The following C22orf15 variants were observed in gnomAD, a reference collection of about 807,000 sequenced individuals.
The protein encoded by C22orf15 is chromosome 22 open reading frame 15, also known as uncharacterized protein C22orf15.
A neutral mutation model predicts 20.3 loss-of-function variants in C22orf15; 21 were observed. That is an observed-to-expected ratio of 1.04 (90% CI 0.74 to 1.49). The LOEUF (loss-of-function observed/expected upper bound fraction) is 1.49. Among genes scored for constraint, C22orf15 ranks in the 40% most tolerant of loss-of-function variants. C22orf15 has a pLI of 0.00. For missense variants in C22orf15, 170 were observed against 191.1 expected (o/e 0.89, Z 0.65); for synonymous variants, 78 against 75.4 (o/e 1.03, Z -0.18).
At position 23,764,527 on chromosome 22, in the gene C22orf15, CT is replaced by C. The variant is rs763845261; in HGVS notation, c.251-111del. On this transcript the variant is annotated intron_variant, in intron 3 of 5. Coordinates refer to ENST00000402217, the MANE Select transcript of C22orf15 (RefSeq NM_182520.3). ...CTGGGGACCTAGCCCCAATCCATCCCTACCCAATGCTCTGCTCCCAGCCTGG... is the reference window on the plus strand; with the variant it reads ...CTGGGGACCTAGCCCCAATCCATCCCACCCAATGCTCTGCTCCCAGCCTGG... 4 of 1,555,970 alleles carry C rather than the reference CT, an allele frequency of 2.6e-6. No homozygotes were observed. In the South Asian group the frequency reaches 4.5e-5, roughly 17 times the overall value.
chr22:23,765,529 C>G, intron 5 of C22orf15, 192 bp from the exon 6 acceptor site: 2 of 1,548,510 alleles, frequency 1.3e-6, no homozygotes, highest in South Asian at 1.2e-5. Flanking sequence ...GAGGTAGAGA[C>G]AAGAAGGGTA....
At chr22:23,764,437 G>C (rs779941168) in intron 3 of C22orf15, 40 bp downstream of exon 3, 3 of 1,600,278 alleles carry the variant, frequency 1.9e-6, no homozygotes, top group Non-Finnish European at 2.6e-6. Context: ...AGCTATGGTA[G>C]AATGTAAGAG....
chr22:23,765,010 A>C (rs1456302401), intron 5 of C22orf15, 108 bp downstream of exon 5: 2 of 1,510,982 alleles, frequency 1.3e-6, no homozygotes, highest in African/African-American at 2.8e-5. Flanking sequence ...CCTGCAGGAC[A>C]GACACATATG....
chr22:23,764,279 T>G lies in C22orf15; in HGVS notation c.132T>G (p.Ala44=). The G allele has an allele frequency of 6.4e-7, 1 of 1,551,644 alleles. No individual in the cohort carries two copies. The highest frequency in any genetic ancestry group is 8.7e-7 in the Non-Finnish European group (1 of 1,146,940). ...TCCCAGCGACCATTGCTCTCCTGGC[T>G]GAGGATGGCAACCTAGTGAGCCTGG... ...LPPDATIALL[A]EDGNLVSLEE... Residue 44 remains alanine, a synonymous_variant, in exon 3 of 6, where the codon GCT becomes GCG. Coordinates refer to ENST00000402217, the MANE Select transcript of C22orf15 (RefSeq NM_182520.3).
chr22:23,763,408 G>A (rs1363821546), intron 1 of C22orf15, 77 bp downstream of exon 1: 19 of 1,476,232 alleles, frequency 1.3e-5, no homozygotes, highest in Middle Eastern at 2.2e-4. Context: ...CCGCCCTTGC[G>A]GTGGGTGGGG....
Position 23,764,265 on chromosome 22 carries a change from A to G in C22orf15, c.118A>G (p.Ile40Val). 1 of 1,551,624 alleles carries G rather than the reference A, an allele frequency of 6.4e-7. No individual in the cohort carries two copies. Among genetic ancestry groups the G allele is most frequent in the Non-Finnish European group, 8.7e-7 (1 of 1,146,946 alleles). Reference sequence around the variant, plus strand: ...CTCTCTCCATGTCCTCCCAGCGACCATTGCTCTCCTGGCTGAGGATGGCAA... The same window carrying G: ...CTCTCTCCATGTCCTCCCAGCGACCGTTGCTCTCCTGGCTGAGGATGGCAA... ...QKAGLPPDAT[I>V]ALLAEDGNLV... Residue 40 changes from isoleucine to valine, a missense_variant, in exon 3 of 6, where the codon ATT becomes GTT. Ile to Val is a conservative substitution (Grantham distance 29). Coordinates refer to ENST00000402217, the MANE Select transcript of C22orf15 (RefSeq NM_182520.3).
At chr22:23,765,052 G>T (rs916474980) in intron 5 of C22orf15, 150 bp downstream of exon 5, 4 of 1,479,258 alleles carry the variant, frequency 2.7e-6, no homozygotes, top group Non-Finnish European at 3.6e-6. Context: ...CCAACTCCAC[G>T]CACATATACC....
chr22:23,764,704 G>C lies in C22orf15; in HGVS notation c.316G>C (p.Glu106Gln). The change falls in exon 4 of 6, where the codon GAG becomes CAG. Residue 106 changes from glutamate to glutamine, a missense_variant. By Grantham distance (29) the Glu-to-Gln change is conservative. Coordinates refer to ENST00000402217, the MANE Select transcript of C22orf15 (RefSeq NM_182520.3). The part of the protein sequence containing the change: ...LLENLDDHYP[E>Q]LAEELRRLSG... Reference sequence around the variant, plus strand: ...GGAGAACCTGGATGACCATTACCCAGAGCTGGCAGGTGAGTGTCAGGGTAC... The same window carrying C: ...GGAGAACCTGGATGACCATTACCCACAGCTGGCAGGTGAGTGTCAGGGTAC... 1 of 1,614,162 alleles carries C rather than the reference G, an allele frequency of 6.2e-7. No homozygotes were observed. Among genetic ancestry groups the C allele is most frequent in the Non-Finnish European group, 8.5e-7 (1 of 1,180,028 alleles).
At position 23,765,741 on chromosome 22, in the gene C22orf15, A is replaced by T. The variant is rs1472408647; in HGVS notation, c.*9A>T. The T allele has an allele frequency of 6.4e-7, 1 of 1,550,954 alleles. No homozygotes were observed. The highest frequency in any genetic ancestry group is 1.2e-5 in the South Asian group (1 of 83,918). On this transcript the variant is annotated 3_prime_UTR_variant, in exon 6 of 6. Transcript: ENST00000402217. ...CCCAGGGCCCTGATTAAGGGGATGG[A>T]TTGCACACTGTAGTGAGACATCCAT...
At chr22:23,764,948 A>G in intron 5 of C22orf15, 46 bp downstream of exon 5, 2 of 1,578,682 alleles carry the variant, frequency 1.3e-6, no homozygotes, top group Non-Finnish European at 1.7e-6. Flanking sequence ...GCAGGGAGCC[A>G]GGTACAGAGC....
In C22orf15 at chr22:23,764,362, A is replaced by G. The variant is rs1290238673; in HGVS notation, c.215A>G (p.Lys72Arg). 1 of 1,551,988 alleles carries G rather than the reference A, an allele frequency of 6.4e-7. No homozygotes were observed. The highest frequency in any genetic ancestry group is 2.4e-5 in the East Asian group (1 of 40,942). ...CAGACCATGGGCAACTCCCTACTGA[A>G]GGAGCGAGCCATATATGTCCTCGTT... ...RAQTMGNSLL[K>R]ERAIYVLVRI... Residue 72 changes from lysine to arginine, a missense_variant, in exon 3 of 6, where the codon AAG (lysine) becomes AGG (arginine). By Grantham distance (26) the Lys-to-Arg change is conservative. Transcript: ENST00000402217.
In C22orf15 at chr22:23,763,148, A is replaced by T; in HGVS notation, c.-159A>T. The T allele has an allele frequency of 1.1e-6, 1 of 928,670 alleles. No individual in the cohort carries two copies. Among genetic ancestry groups the T allele is most frequent in the Non-Finnish European group, 1.6e-6 (1 of 610,414 alleles). 57.5% of individuals were successfully genotyped at this position (928,670 alleles called of 1,614,324 possible). The stretch of plus-strand genomic sequence containing the variant: ...AGCAGAACCACAGAGGTGGCTGAGC[A>T]GGGGCCTGGCCCTGGGACCCAGCCA... On this transcript the variant is annotated 5_prime_UTR_variant, in exon 1 of 6. Transcript: ENST00000402217.
chr22:23,765,585 T>C, intron 5 of C22orf15, 136 bp from the exon 6 acceptor site: 2 of 1,519,392 alleles, frequency 1.3e-6, no homozygotes, highest in Non-Finnish European at 1.8e-6. Context: ...GGGTTCATCC[T>C]GGGATTCCAC....
chr22:23,765,600 A>G (rs1926670525), intron 5 of C22orf15, 121 bp from the exon 6 acceptor site: 1 of 1,515,858 alleles, frequency 6.6e-7, no homozygotes, highest in Non-Finnish European at 8.9e-7. Flanking sequence ...TTCCACCCTC[A>G]GAGTCAGATG....
At chr22:23,765,413 C>A (rs1164398714) in intron 5 of C22orf15, 12 of 1,550,928 alleles carry the variant, frequency 7.7e-6, no homozygotes, top group East Asian at 2.4e-5. Flanking sequence ...ACTCCTCTTG[C>A]AGAATCTGGA....
intron 1 of C22orf15, 52 bp downstream of exon 1, chr22:23,763,383 G>C: frequency 6.6e-7 from 1 of 1,518,302 alleles, no homozygotes; most frequent in African/African-American, 1.4e-5. Flanking sequence ...AGCACACTCA[G>C]AGGCGTGCTT....
At chr22:23,765,489 C>T (rs1318348307) in intron 5 of C22orf15, 1 of 1,550,672 alleles carries the variant, frequency 6.4e-7, no homozygotes, top group Non-Finnish European at 8.7e-7. Context: ...CCAGGGGCAC[C>T]TAAGCTGTGG....
chr22:23,765,398 G>C, intron 5 of C22orf15: 1 of 1,551,072 alleles, frequency 6.4e-7, no homozygotes, highest in Non-Finnish European at 8.7e-7. Flanking sequence ...CAACAACCCA[G>C]CAGGACTCCT....
At position 23,764,102 on chromosome 22, in the gene C22orf15, T is replaced by C. The variant is rs1926209338; in HGVS notation, c.41T>C (p.Leu14Pro). 6.4e-7 allele frequency: 1 copy of C among 1,550,798 alleles called. No homozygotes were observed. The highest frequency in any genetic ancestry group is 8.7e-7 in the Non-Finnish European group (1 of 1,146,994). The change falls in exon 2 of 6, where the codon CTG becomes CCG. Residue 14 changes from leucine to proline, a missense_variant. Physicochemically the swap from Leu to Pro is moderately conservative, Grantham distance 98. Transcript: ENST00000402217. ...CTCTCCACAGCTGGCTGCTCGGTGC[T>C]GGTGAACACCTCTTGCAGGCTGGTG... ...KVMFGAGCSV[L>P]VNTSCRLVNL...
Sources: allele counts gnomAD v4.1 joint callset, GRCh38; gene constraint gnomAD v4.1.1; transcripts MANE v1.5; gene names NCBI Gene and HGNC (gene_info 2026-07-23, HGNC 2026-07-21).